The following TBC1D22A variants were observed in gnomAD, a reference collection of about 807,000 sequenced individuals.
The protein encoded by TBC1D22A is putative GTPase activator.
In TBC1D22A, 38 loss-of-function variants were observed where a neutral mutation model predicts 60.2. The ratio of observed to expected loss-of-function variants is 0.63; its 90% CI spans 0.49 to 0.83. The LOEUF (loss-of-function observed/expected upper bound fraction) is 0.83. TBC1D22A is among the 40% of genes least tolerant of loss of function. TBC1D22A has a pLI of 0.00. For synonymous variants in TBC1D22A, 302 were observed against 281.7 expected, an observed-to-expected ratio of 1.07 and a Z score of -0.72; for missense variants, 628 against 701.0, an observed-to-expected ratio of 0.90 and a Z score of 1.18.
intron 4 of TBC1D22A, among the ~76,000 whole-genome samples, chr22:46,822,142 C>G (rs533441178): frequency 6.6e-6 from 1 of 152,032 alleles, no homozygotes; most frequent in Middle Eastern, 3.4e-3. Context: ...TTCCTCTCAC[C>G]TTTTATCAAG....
chr22:46,957,107 G>C (rs1347872742), intron 8 of TBC1D22A, among the ~76,000 whole-genome samples: 1 of 152,184 alleles, frequency 6.6e-6, no homozygotes, highest in Non-Finnish European at 1.5e-5. Flanking sequence ...AGAGGGACGC[G>C]GTCTCCACCT....
intron 11 of TBC1D22A, among the ~76,000 whole-genome samples, chr22:47,068,033 C>T (rs1456214524): frequency 1.3e-5 from 2 of 152,246 alleles, no homozygotes; most frequent in African/African-American, 4.8e-5. Context: ...AGGGAGTAGA[C>T]ATACCTCCAC....
At chr22:47,016,988 G>A (rs1353952796) in intron 10 of TBC1D22A, among the ~76,000 whole-genome samples, 1 of 152,246 alleles carries the variant, frequency 6.6e-6, no homozygotes, top group Non-Finnish European at 1.5e-5. Flanking sequence ...TCAGGCCTGC[G>A]ATGGTCGCCG....
chr22:46,858,704 T>C lies in TBC1D22A; in HGVS notation c.638-19949T>C, dbSNP rs532654906. Among the ~76,000 whole-genome samples the C allele has an allele frequency of 9.9e-5, 15 of 152,260 alleles. No homozygotes were observed. In the East Asian group the frequency reaches 2.9e-3, roughly 29 times the overall value. On this transcript the variant is annotated intron_variant, in intron 4 of 12. Transcript: ENST00000337137. ...CTGGCGGGTGTGCTTCGAGCGCTTC[T>C]TGGGAGAGGCGGCCTCAACCATTCC...
chr22:47,053,881 C>T (rs779935045), intron 11 of TBC1D22A, among the ~76,000 whole-genome samples: 11 of 152,154 alleles, frequency 7.2e-5, no homozygotes, highest in Non-Finnish European at 4.4e-5. Flanking sequence ...CCCAAGCCAT[C>T]GTTAAGAAAT....
At chr22:46,792,849 A>G in intron 2 of TBC1D22A, 1 of 1,435,218 alleles carries the variant, frequency 7.0e-7, no homozygotes, top group Non-Finnish European at 9.1e-7. Context: ...TCCTTTAGCC[A>G]TGGGCAGCCT....
chr22:46,800,114 C>T (rs1008265867), intron 4 of TBC1D22A, among the ~76,000 whole-genome samples: 2 of 152,232 alleles, frequency 1.3e-5, no homozygotes, highest in Non-Finnish European at 2.9e-5. Flanking sequence ...TGCCCTGTAA[C>T]ATGCCATCCT....
chr22:46,936,532 T>C (rs1320352951), intron 8 of TBC1D22A, among the ~76,000 whole-genome samples: 1 of 152,276 alleles, frequency 6.6e-6, no homozygotes, highest in East Asian at 1.9e-4. Context: ...CCATCCTCCT[T>C]TGATGATCTC....
intron 4 of TBC1D22A, among the ~76,000 whole-genome samples, chr22:46,802,060 A>G (rs1431609916): frequency 4.6e-5 from 7 of 152,112 alleles, no homozygotes; most frequent in African/African-American, 1.7e-4. Flanking sequence ...CCGTGTCCTT[A>G]CTCATGAAGT....
At chr22:46,960,434 G>C (rs909202704) in intron 8 of TBC1D22A, among the ~76,000 whole-genome samples, 1 of 152,046 alleles carries the variant, frequency 6.6e-6, no homozygotes, top group Admixed American at 6.6e-5. Flanking sequence ...GCTAATTTTT[G>C]TGTTTTTATT....
At chr22:47,066,323 G>A (rs1485133112) in intron 11 of TBC1D22A, among the ~76,000 whole-genome samples, 1 of 149,514 alleles carries the variant, frequency 6.7e-6, no homozygotes. Context: ...GCACCCACGA[G>A]GGGGGTTCCT....
intron 9 of TBC1D22A, among the ~76,000 whole-genome samples, chr22:46,994,773 T>A (rs964413042): frequency 1.3e-5 from 2 of 152,236 alleles, no homozygotes; most frequent in Non-Finnish European, 2.9e-5. Context: ...CGAGGTTAAA[T>A]TACATGATGT....
chr22:46,999,564 A>T (rs2075240125), intron 10 of TBC1D22A, among the ~76,000 whole-genome samples: 1 of 152,066 alleles, frequency 6.6e-6, no homozygotes, highest in Admixed American at 6.6e-5. Context: ...CCCTGAGCAA[A>T]CTTGGGAGAA....
At chr22:47,088,133 G>C (rs1444105505) in intron 11 of TBC1D22A, among the ~76,000 whole-genome samples, 1 of 151,934 alleles carries the variant, frequency 6.6e-6, no homozygotes, top group Non-Finnish European at 1.5e-5. Flanking sequence ...ACTGTTGGTG[G>C]ATTCTGCCCT....
chr22:47,158,793 G>A (rs2067824348), intron 12 of TBC1D22A, among the ~76,000 whole-genome samples: 1 of 152,118 alleles, frequency 6.6e-6, no homozygotes, highest in Admixed American at 6.5e-5. Flanking sequence ...CTCAGCCAGA[G>A]GCACCTGCAC....
intron 12 of TBC1D22A, among the ~76,000 whole-genome samples, chr22:47,122,021 G>A (rs60981551): frequency 0.044 from 6,635 of 152,302 alleles, 476 homozygotes; most frequent in African/African-American, 0.15. Flanking sequence ...ATGCACATGT[G>A]CAAACACATC....
At chr22:46,987,640 C>G (rs1035294820) in intron 9 of TBC1D22A, among the ~76,000 whole-genome samples, 3 of 152,156 alleles carry the variant, frequency 2.0e-5, no homozygotes, top group African/African-American at 7.2e-5. Context: ...TACCGGAATT[C>G]AAAACTACTT....
intron 11 of TBC1D22A, among the ~76,000 whole-genome samples, chr22:47,066,713 T>C (rs1362988520): frequency 1.3e-5 from 2 of 152,180 alleles, no homozygotes; most frequent in Non-Finnish European, 2.9e-5. Flanking sequence ...GCCAGCCTCT[T>C]TGAAACTCAT....
At chr22:46,842,771 G>C (rs1168428923) in intron 4 of TBC1D22A, among the ~76,000 whole-genome samples, 1 of 152,264 alleles carries the variant, frequency 6.6e-6, no homozygotes, top group Non-Finnish European at 1.5e-5. Context: ...GGGCAGCTTC[G>C]GGAGATGAGT....
Sources: allele counts gnomAD v4.1 joint callset (sites outside exome capture counted in the v4.1 genomes callset), GRCh38; gene constraint gnomAD v4.1.1; transcripts MANE v1.5; gene names NCBI Gene and HGNC (gene_info 2026-07-23, HGNC 2026-07-21).